Variants in LRRD1 observed in about 807,000 individuals in gnomAD.
The protein encoded by LRRD1 is leucine rich repeats and death domain containing 1.
Under a neutral mutation model 69.5 loss-of-function variants are expected in LRRD1, and 49 were observed. The observed-to-expected ratio is 0.70, with a 90% CI of 0.56 to 0.89. The LOEUF is 0.89. Among genes scored for constraint, LRRD1 ranks in the 40% least tolerant of loss-of-function variants. The pLI, the probability that LRRD1 is intolerant of heterozygous loss-of-function variation, is 0.00. For synonymous variants in LRRD1, 303 were observed against 338.9 expected, an observed-to-expected ratio of 0.89 and a Z score of 1.16; for missense variants, 853 against 956.0, an observed-to-expected ratio of 0.89 and a Z score of 1.42.
At chr7:92,144,669 A>G (rs925303660), downstream of LRRD1, among the ~76,000 whole-genome samples, 1 of 151,964 alleles carries the variant, frequency 6.6e-6, no homozygotes, top group Non-Finnish European at 1.5e-5. Flanking sequence ...TTCAAATGCA[A>G]CATCACTATA....
At chr7:92,153,495 A>G (rs1434817094) in intron 3 of LRRD1, among the ~76,000 whole-genome samples, 1 of 149,678 alleles carries the variant, frequency 6.7e-6, no homozygotes, top group Non-Finnish European at 1.5e-5. Context: ...TTAAGCAAAT[A>G]TTTTCTTCCA....
chr7:92,158,256 G>C (rs1457251416), intron 3 of LRRD1, among the ~76,000 whole-genome samples: 2 of 152,136 alleles, frequency 1.3e-5, no homozygotes, highest in Non-Finnish European at 2.9e-5. Context: ...TTGGGAGGCT[G>C]AGGCAGGTGG....
chr7:92,164,833 C>T lies in LRRD1; in HGVS notation c.370G>A (p.Glu124Lys). The change falls in exon 2 of 6, where the codon GAA becomes AAA. Residue 124 changes from glutamate (E) to lysine (K), a missense_variant. Coordinates refer to ENST00000458448, the MANE Select transcript of LRRD1 (RefSeq NM_001161528.2). Reference sequence around the variant, plus strand: ...TCTTCAGAGACTTGTGGACTAACTTCTCCTACTGTTTCATGAGATAGGAAG... The same window carrying T: ...TCTTCAGAGACTTGTGGACTAACTTTTCCTACTGTTTCATGAGATAGGAAG... ...VNFLSHETVG[E>K]VSPQVSEENQ... 2 of 1,551,534 alleles carry T rather than the reference C, an allele frequency of 1.3e-6. No homozygotes were observed. Among genetic ancestry groups the T allele is most frequent in the Non-Finnish European group, 1.7e-6 (2 of 1,146,870 alleles).
intron 1 of LRRD1, among the ~76,000 whole-genome samples, chr7:92,170,150 A>C (rs1389322637): frequency 6.6e-6 from 1 of 151,622 alleles, no homozygotes; most frequent in East Asian, 1.9e-4. Context: ...GGACGGAAGG[A>C]AGGAAGGAAG....
chr7:92,158,901 T>G lies in LRRD1; in HGVS notation c.2116+104A>C, dbSNP rs1045474882. The G allele has an allele frequency of 1.9e-5, 16 of 864,212 alleles. No individual in the cohort carries two copies. In the African/African-American group the frequency reaches 2.7e-4, roughly 14 times the overall value. 53.5% of individuals were successfully genotyped at this position (864,212 alleles called of 1,614,324 possible). The stretch of plus-strand genomic sequence containing the variant: ...TTCCTTCTAATGGTGACTTAATACC[T>G]TATGTTGACTCTTTGCCATTCTGTA... On this transcript the variant is annotated intron_variant, in intron 3 of 5. Coordinates refer to ENST00000458448, the MANE Select transcript of LRRD1 (RefSeq NM_001161528.2).
In LRRD1 at chr7:92,163,634, G is replaced by A; in HGVS notation, c.1569C>T (p.Leu523=). ...GAGAACAAAAGTGCTCAGAAAATAT[G>A]AGGAGTTTGTTTTCACTCAATTCTA... ...LHLELSENKL[L]IFSEHFCSLI... is the part of the protein sequence containing the mutation. The change falls in exon 2 of 6, where the codon CTC becomes CTT. Residue 523 remains leucine (L), a synonymous_variant. Coordinates refer to ENST00000458448, the MANE Select transcript of LRRD1 (RefSeq NM_001161528.2). The A allele has an allele frequency of 6.6e-7, 1 of 1,513,564 alleles. No homozygotes were observed. Among genetic ancestry groups the A allele is most frequent in the Non-Finnish European group, 8.8e-7 (1 of 1,133,760 alleles). 93.8% of individuals were successfully genotyped at this position (1,513,564 alleles called of 1,614,324 possible).
At chr7:92,169,524 G>A (rs1212706888) in intron 1 of LRRD1, among the ~76,000 whole-genome samples, 1 of 151,852 alleles carries the variant, frequency 6.6e-6, no homozygotes, top group Non-Finnish European at 1.5e-5. Flanking sequence ...GGTGGTGGGT[G>A]CCTGTAATCC....
At chr7:92,160,376 A>C (rs1285269521) in intron 2 of LRRD1, among the ~76,000 whole-genome samples, 1 of 152,236 alleles carries the variant, frequency 6.6e-6, no homozygotes, top group Non-Finnish European at 1.5e-5. Context: ...CCTATGAAAA[A>C]ATCAGGAAAT....
chr7:92,163,274 C>G lies in LRRD1; in HGVS notation c.1917+12G>C. The G allele has an allele frequency of 2.8e-6, 4 of 1,419,978 alleles. No individual in the cohort carries two copies. Among genetic ancestry groups the G allele is most frequent in the Non-Finnish European group, 2.8e-6 (3 of 1,080,592 alleles). The allele number at this position is 1,419,978 out of a possible 1,614,324, so 88.0% of individuals were successfully genotyped here. A position where few individuals can be genotyped will look rare whatever the true frequency, so the allele number is the denominator to read the frequency against. The stretch of plus-strand genomic sequence containing the variant: ...CTCCTTCCCCACAAAGCCCACAATA[C>G]CAGTCTCTTACCTTTCTCCCTTTTA... On this transcript the variant is annotated intron_variant, in intron 2 of 5. Coordinates refer to ENST00000458448, the MANE Select transcript of LRRD1 (RefSeq NM_001161528.2).
Position 92,164,916 on chromosome 7 carries a change from G to GTTCC in LRRD1, c.283_286dup (p.Thr96ArgfsTer21). 1 of 1,551,534 alleles carries GTTCC rather than the reference G, an allele frequency of 6.4e-7. No individual in the cohort carries two copies. The highest frequency in any genetic ancestry group is 2.4e-5 in the East Asian group (1 of 40,862). ...AGTTAGTGATGATAAACTCTGTGAA[G>GTTCC]TTCCTGTTCTAGTGCTTGTTTCAGA... On this transcript the variant is annotated frameshift_variant, in exon 2 of 6. Coordinates refer to ENST00000458448, the MANE Select transcript of LRRD1 (RefSeq NM_001161528.2). LOFTEE classifies it high-confidence loss of function.
chr7:92,179,055 G>C lies in LRRD1; in HGVS notation c.-123C>G, dbSNP rs1438159466. ...GGCTCCTTCGCAGGACCGGTAGGGGGCGCGCGCGGTTGAGTCCAGCAATTG... is the reference window on the plus strand; with the variant it reads ...GGCTCCTTCGCAGGACCGGTAGGGGCCGCGCGCGGTTGAGTCCAGCAATTG... On this transcript the variant is annotated 5_prime_UTR_variant, in exon 1 of 6. Coordinates refer to ENST00000458448, the MANE Select transcript of LRRD1 (RefSeq NM_001161528.2). The C allele has an allele frequency of 6.6e-6, 1 of 152,344 alleles. No homozygotes were observed. Among genetic ancestry groups the C allele is most frequent in the Non-Finnish European group, 1.5e-5 (1 of 68,146 alleles). 9.4% of individuals were successfully genotyped at this position (152,344 alleles called of 1,614,324 possible).
chr7:92,163,351 G>A lies in LRRD1; in HGVS notation c.1852C>T (p.Pro618Ser). The A allele has an allele frequency of 1.3e-6, 2 of 1,540,096 alleles. No homozygotes were observed. Among genetic ancestry groups the A allele is most frequent in the Middle Eastern group, 3.4e-4 (2 of 5,902 alleles). ...GATTGAAGTTGGCACAGTTCAATAG[G>A]AAAATGTATAAATTGATTGCTTGAG... ...NFSSNQFIHF[P>S]IELCQLQSLE... is the part of the protein sequence containing the mutation. Residue 618 changes from proline (P) to serine (S), a missense_variant, in exon 2 of 6, where the codon CCT (proline) becomes TCT (serine). Pro to Ser is a moderately conservative substitution (Grantham distance 74). Around this residue, in one of 3 missense-constraint regions of LRRD1, gnomAD observed 739 missense variants for 808.0 expected, o/e 0.91. Coordinates refer to ENST00000458448, the MANE Select transcript of LRRD1 (RefSeq NM_001161528.2).
At chr7:92,147,446 A>G (rs1388082836) in intron 4 of LRRD1, among the ~76,000 whole-genome samples, 2 of 151,460 alleles carry the variant, frequency 1.3e-5, no homozygotes, top group East Asian at 3.9e-4. Flanking sequence ...TGCTTCCTTC[A>G]ATTCTGGCTT....
downstream of LRRD1, among the ~76,000 whole-genome samples, chr7:92,143,386 G>C (rs905613575): frequency 2.7e-5 from 4 of 149,552 alleles, no homozygotes; most frequent in African/African-American, 5.0e-5. Context: ...TCAGCCCTTG[G>C]ATGGTCGATG....
chr7:92,175,419 A>C (rs371990543), intron 1 of LRRD1, among the ~76,000 whole-genome samples: 2 of 152,076 alleles, frequency 1.3e-5, no homozygotes, highest in African/African-American at 4.8e-5. Flanking sequence ...AGGCCAGGGC[A>C]GTTGGATCAC....
intron 2 of LRRD1, among the ~76,000 whole-genome samples, chr7:92,160,042 A>T (rs1788765501): frequency 6.6e-6 from 1 of 152,216 alleles, no homozygotes; most frequent in African/African-American, 2.4e-5. Context: ...CAAATGTTTA[A>T]TAATGGAGTC....
At chr7:92,168,908 A>G (rs1788987196) in intron 1 of LRRD1, among the ~76,000 whole-genome samples, 1 of 152,144 alleles carries the variant, frequency 6.6e-6, no homozygotes, top group South Asian at 2.1e-4. Context: ...CAAGAATTTA[A>G]AATGACAGGT....
At chr7:92,169,065 T>C (rs914891276) in intron 1 of LRRD1, among the ~76,000 whole-genome samples, 1 of 152,110 alleles carries the variant, frequency 6.6e-6, no homozygotes, top group Non-Finnish European at 1.5e-5. Flanking sequence ...ATTACAGGCA[T>C]GCACCACCAT....
Position 92,163,875 on chromosome 7 carries a change from A to G in LRRD1, c.1328T>C (p.Ile443Thr). ...GTTTCCTGAAAATTCTAGACTGCAT[A>G]TGTTATTAAGATGTGAGATACAGTC... is the stretch of plus-strand genomic sequence containing the variant. ...ITDCISHLNN[I>T]CSLEFSGNII... Residue 443 changes from isoleucine to threonine, a missense_variant, in exon 2 of 6, where the codon ATA (isoleucine) becomes ACA (threonine). Physicochemically the swap from Ile to Thr is moderately conservative, Grantham distance 89. Coordinates refer to ENST00000458448, the MANE Select transcript of LRRD1 (RefSeq NM_001161528.2). 1.3e-6 allele frequency: 2 copies of G among 1,519,710 alleles called. No homozygotes were observed. The allele number at this position is 1,519,710 out of a possible 1,614,324, so 94.1% of individuals were successfully genotyped here. A position where few individuals can be genotyped will look rare whatever the true frequency, so the allele number is the denominator to read the frequency against.
Sources: allele counts gnomAD v4.1 joint callset (sites outside exome capture counted in the v4.1 genomes callset), GRCh38; gene constraint gnomAD v4.1.1; regional missense constraint gnomAD v4.1.1; transcripts MANE v1.5; gene names NCBI Gene and HGNC (gene_info 2026-07-23, HGNC 2026-07-21).